The following TJP2 variants were observed in gnomAD, a reference collection of about 807,000 sequenced individuals.
TJP2 encodes Friedreich ataxia region gene X104 (tight junction protein ZO-2).
TJP2 carries 91 observed loss-of-function variants against 133.1 expected under a neutral mutation model. The ratio of observed to expected loss-of-function variants is 0.68; its 90% CI spans 0.58 to 0.81. The LOEUF (loss-of-function observed/expected upper bound fraction) is 0.81. Ranked by LOEUF, TJP2 falls within the 40% of genes least tolerant of loss-of-function variation. The probability of loss-of-function intolerance (pLI) is 0.00; values close to 1 mark genes in which losing one functional copy is unlikely to be tolerated. For synonymous variants in TJP2, 592 were observed against 583.4 expected (o/e 1.01, Z -0.21); for missense variants, 1,541 against 1,565.6 (o/e 0.98, Z 0.26).
intron 5 of TJP2, among the ~76,000 whole-genome samples, chr9:69,224,444 G>A (rs1235903175): frequency 6.6e-6 from 1 of 152,094 alleles, no homozygotes; most frequent in South Asian, 2.1e-4. Context: ...TTGGGAGGCC[G>A]AGGCGGGTGG....
At chr9:69,177,472 T>C (rs1379439117) in intron 1 of TJP2, among the ~76,000 whole-genome samples, 1 of 152,188 alleles carries the variant, frequency 6.6e-6, no homozygotes, top group Admixed American at 6.5e-5. Context: ...TAGGAATTTT[T>C]GCAATCAGCC....
chr9:69,154,763 T>C (rs1038992355), intron 2 of TJP2, among the ~76,000 whole-genome samples: 2 of 151,638 alleles, frequency 1.3e-5, no homozygotes, highest in African/African-American at 4.8e-5. Flanking sequence ...TGTCTCTTTT[T>C]CAATTTTATA....
chr9:69,205,080 T>C, intron 1 of TJP2: 1 of 1,518,188 alleles, frequency 6.6e-7, no homozygotes, highest in South Asian at 1.2e-5. Context: ...TGTATCCGCC[T>C]TACGTAACCA....
At chr9:69,225,066 A>G (rs1259543993) in intron 5 of TJP2, among the ~76,000 whole-genome samples, 1 of 152,156 alleles carries the variant, frequency 6.6e-6, no homozygotes, top group Admixed American at 6.6e-5. Flanking sequence ...TCAGGGACCT[A>G]TGGTAGTTCA....
At chr9:69,236,730 A>G (rs550806933) in intron 13 of TJP2, among the ~76,000 whole-genome samples, 1 of 152,190 alleles carries the variant, frequency 6.6e-6, no homozygotes, top group African/African-American at 2.4e-5. Flanking sequence ...TCACATGTTT[A>G]TTGCTGAGCC....
chr9:69,236,947 A>C lies in TJP2; in HGVS notation c.1992-2A>C. ...GATTTACTTCCCGTGGTTTCTTCTC[A>C]GAGCTGAACAAATGGCCAGTGTTCA... On this transcript the variant is annotated splice_acceptor_variant, in intron 13 of 22. Transcript: ENST00000377245. LOFTEE classifies it high-confidence loss of function. The C allele has an allele frequency of 1.2e-6, 2 of 1,614,220 alleles. No homozygotes were observed. Among genetic ancestry groups the C allele is most frequent in the Non-Finnish European group, 1.7e-6 (2 of 1,180,034 alleles).
intron 1 of TJP2, among the ~76,000 whole-genome samples, chr9:69,181,991 C>T (rs1249404549): frequency 1.3e-5 from 2 of 152,168 alleles, no homozygotes; most frequent in East Asian, 3.9e-4. Flanking sequence ...CCTCTCCACC[C>T]CCATGGACTT....
intron 2 of TJP2, among the ~76,000 whole-genome samples, chr9:69,163,468 T>C (rs1215375197): frequency 6.6e-6 from 1 of 152,076 alleles, no homozygotes; most frequent in Non-Finnish European, 1.5e-5. Flanking sequence ...AAACCCCATC[T>C]CTACCCAAAA....
chr9:69,187,203 A>G (rs1245696168), intron 1 of TJP2, among the ~76,000 whole-genome samples: 1 of 152,202 alleles, frequency 6.6e-6, no homozygotes, highest in African/African-American at 2.4e-5. Context: ...TGTGGGGGAA[A>G]AACATCTCAT....
chr9:69,244,918 T>C (rs1416622145), intron 17 of TJP2, among the ~76,000 whole-genome samples: 1 of 152,232 alleles, frequency 6.6e-6, no homozygotes, highest in Non-Finnish European at 1.5e-5. Flanking sequence ...GTTTTAACTT[T>C]AGGTTTTCTT....
chr9:69,224,976 A>G (rs1829223028), intron 5 of TJP2, among the ~76,000 whole-genome samples: 1 of 152,270 alleles, frequency 6.6e-6, no homozygotes, highest in Admixed American at 6.5e-5. Context: ...GATTAACATT[A>G]ATATCCCTTT....
chr9:69,188,126 G>A (rs1030443926), intron 1 of TJP2, among the ~76,000 whole-genome samples: 1 of 152,138 alleles, frequency 6.6e-6, no homozygotes, highest in African/African-American at 2.4e-5. Context: ...TGTGTTAAGT[G>A]GAACTTCTGA....
chr9:69,222,138 C>T (rs1401613653), intron 5 of TJP2, among the ~76,000 whole-genome samples: 1 of 150,816 alleles, frequency 6.6e-6, no homozygotes, highest in Non-Finnish European at 1.5e-5. Context: ...TCCCAAAGTG[C>T]TGGGATTATA....
At chr9:69,167,865 CAAAAA>C (rs33986127) in intron 2 of TJP2, among the ~76,000 whole-genome samples, 2 of 128,946 alleles carry the variant, frequency 1.6e-5, no homozygotes, top group East Asian at 2.3e-4. Context: ...GAGAGTCTGT[CAAAAA>C]AAAAAAAAAA....
At chr9:69,149,948 G>A (rs1823388918) in intron 1 of TJP2, among the ~76,000 whole-genome samples, 1 of 152,014 alleles carries the variant, frequency 6.6e-6, no homozygotes. Context: ...TCAGGAGTTC[G>A]ACACCAGCCG....
chr9:69,222,660 G>A (rs1049537043), intron 5 of TJP2, among the ~76,000 whole-genome samples: 13 of 152,146 alleles, frequency 8.5e-5, no homozygotes, highest in African/African-American at 7.2e-5. Flanking sequence ...GAAGAGCCAG[G>A]CTTCAGAATT....
rs759213691 is a variant in TJP2, at chr9:69,238,034, G to C, written c.2275+61G>C. 2.2e-3 allele frequency: 2,716 copies of C among 1,233,276 alleles called. 4 individuals carry two copies. Among genetic ancestry groups the C allele is most frequent in the Non-Finnish European group, 3.0e-3 (2,497 of 843,024 alleles). The allele number at this position is 1,233,276 out of a possible 1,614,324, so 76.4% of individuals were successfully genotyped here. ...TTATTTTGAAAAATTTCTAACAGAG[G>C]AGTTGGAAGAATCATGAACACCCAC... is the stretch of plus-strand genomic sequence containing the variant. On this transcript the variant is annotated intron_variant, in intron 15 of 22. Transcript: ENST00000377245.
chr9:69,150,409 T>A (rs1252139505), intron 1 of TJP2, among the ~76,000 whole-genome samples: 1 of 151,178 alleles, frequency 6.6e-6, no homozygotes, highest in Non-Finnish European at 1.5e-5. Flanking sequence ...TTCTCCTGCC[T>A]CAGCCTCCTG....
At chr9:69,143,292 C>T (rs1420067481) in intron 1 of TJP2, among the ~76,000 whole-genome samples, 1 of 152,212 alleles carries the variant, frequency 6.6e-6, no homozygotes, top group Non-Finnish European at 1.5e-5. Flanking sequence ...TCACTTTTCA[C>T]TGCAGGAGAA....
Sources: gnomAD v4.1 joint callset for allele counts (sites outside exome capture counted in the v4.1 genomes callset) on GRCh38, gnomAD v4.1.1 for gene constraint, MANE v1.5 for transcripts, NCBI Gene and HGNC (gene_info 2026-07-23, HGNC 2026-07-21) for gene names.